Variants in CFAP47 observed in about 807,000 individuals in gnomAD.
CFAP47 encodes the protein cilia- and flagella-associated protein 47.
CFAP47 carries 29 observed loss-of-function variants against 148.1 expected under a neutral mutation model. The ratio of observed to expected loss-of-function variants is 0.20; its 90% CI spans 0.15 to 0.27. The LOEUF (loss-of-function observed/expected upper bound fraction) is 0.27, where lower values mean the gene tolerates loss of function less well. CFAP47 is among the 10% of genes least tolerant of loss of function. The probability of loss-of-function intolerance (pLI) is 1.00; values close to 1 mark genes in which losing one functional copy is unlikely to be tolerated. For synonymous variants in CFAP47, 664 were observed against 577.3 expected, an observed-to-expected ratio of 1.15 and a Z score of -2.15; for missense variants, 1,872 against 1,697.5, an observed-to-expected ratio of 1.10 and a Z score of -1.81.
At chrX:35,984,080 C>G (rs72628187) in intron 15 of CFAP47, among the ~76,000 whole-genome samples, 2 of 111,199 alleles carry the variant, frequency 1.8e-5, no homozygotes, top group East Asian at 5.7e-4. Context: ...GGCTGTAAAT[C>G]TTTTTGGTTC....
At chrX:36,053,370 A>G (rs948698477) in intron 26 of CFAP47, among the ~76,000 whole-genome samples, 3 of 111,731 alleles carry the variant, frequency 2.7e-5, no homozygotes, top group Non-Finnish European at 3.8e-5. Flanking sequence ...AGGCAATGGG[A>G]AATCTTAGTA....
chrX:36,135,301 T>A (rs1939024824), intron 33 of CFAP47, among the ~76,000 whole-genome samples: 2 of 111,208 alleles, frequency 1.8e-5, no homozygotes, highest in African/African-American at 3.3e-5. Flanking sequence ...AAAACTTTTT[T>A]AAAAAAAGAA....
intron 45 of CFAP47, among the ~76,000 whole-genome samples, chrX:36,205,913 T>G (rs912500591): frequency 1.2e-4 from 13 of 111,822 alleles, no homozygotes; most frequent in African/African-American, 3.9e-4. Flanking sequence ...CATTCTAGTA[T>G]GGATTTGTGT....
chrX:35,924,419 GCA>G (rs748954273), intron 1 of CFAP47, among the ~76,000 whole-genome samples: 1 of 100,119 alleles, frequency 1.0e-5, no homozygotes, highest in African/African-American at 4.3e-5. Flanking sequence ...ATGTGTATAT[GCA>G]CACATATGTG....
chrX:35,949,368 A>G (rs1936131485), intron 4 of CFAP47, among the ~76,000 whole-genome samples: 1 of 111,019 alleles, frequency 9.0e-6, no homozygotes, highest in Admixed American at 9.7e-5. Flanking sequence ...TGCAAAACAG[A>G]CCAGGGAGTA....
intron 62 of CFAP47, among the ~76,000 whole-genome samples, chrX:36,369,197 C>G (rs1406265699): frequency 9.0e-6 from 1 of 110,648 alleles, no homozygotes; most frequent in Non-Finnish European, 1.9e-5. Flanking sequence ...TGGATAAATG[C>G]AGTTGTCAGA....
chrX:35,973,197 A>G (rs181340290), intron 13 of CFAP47, among the ~76,000 whole-genome samples: 1 of 111,183 alleles, frequency 9.0e-6, no homozygotes, highest in East Asian at 2.9e-4. Flanking sequence ...TTATTTATTT[A>G]TTTATTTATT....
Position 36,267,739 on chromosome X carries a change from A to G in CFAP47, c.7445-12748A>G, listed in dbSNP as rs1274056836. Among the ~76,000 whole-genome samples the G allele has an allele frequency of 2.7e-5, 3 of 111,570 alleles. No homozygotes were observed. The East Asian group carries it at 8.6e-4, about 32-fold the overall frequency. ...ATGATCCACCCGCCTTGGCCTCCCA[A>G]AGTGCTGGGATTACAGGCGTGAGCC... On this transcript the variant is annotated intron_variant, in intron 49 of 63. Coordinates refer to ENST00000378653, the MANE Select transcript of CFAP47 (RefSeq NM_001304548.2).
intron 61 of CFAP47, among the ~76,000 whole-genome samples, chrX:36,362,851 A>G (rs946034117): frequency 2.9e-4 from 32 of 112,022 alleles, no homozygotes; most frequent in African/African-American, 1.0e-3. Context: ...AGAAGAAAGT[A>G]TACCATACAT....
chrX:35,961,515 A>G (rs986562638), intron 8 of CFAP47, among the ~76,000 whole-genome samples: 1 of 110,933 alleles, frequency 9.0e-6, no homozygotes, highest in Non-Finnish European at 1.9e-5. Context: ...GGCTATTCAT[A>G]TTATTCATTT....
At chrX:36,231,642 T>A (rs1392312245) in intron 46 of CFAP47, among the ~76,000 whole-genome samples, 7 of 110,694 alleles carry the variant, frequency 6.3e-5, no homozygotes, top group Non-Finnish European at 1.3e-4. Context: ...AGAACTTCCA[T>A]CACTATGTTG....
At chrX:36,130,469 G>C (rs377336388) in intron 33 of CFAP47, among the ~76,000 whole-genome samples, 96 of 111,193 alleles carry the variant, frequency 8.6e-4, no homozygotes, top group African/African-American at 2.9e-3. Flanking sequence ...CTTGTACACT[G>C]TTGGGGGGAA....
chrX:35,999,151 G>A (rs185113626), intron 19 of CFAP47, among the ~76,000 whole-genome samples: 1 of 111,921 alleles, frequency 8.9e-6, no homozygotes, highest in East Asian at 2.8e-4. Context: ...GATAACAAGA[G>A]TGATTATTTT....
At chrX:36,076,394 A>G (rs1220929690) in intron 29 of CFAP47, among the ~76,000 whole-genome samples, 1 of 94,461 alleles carries the variant, frequency 1.1e-5, no homozygotes, top group Non-Finnish European at 2.1e-5. Flanking sequence ...AGCCTCACAA[A>G]CATCTCTTTT....
intron 36 of CFAP47, among the ~76,000 whole-genome samples, chrX:36,146,307 T>C (rs1446936468): frequency 9.0e-6 from 1 of 111,597 alleles, no homozygotes; most frequent in Non-Finnish European, 1.9e-5. Context: ...TATCACTTAA[T>C]TGTTATTGAT....
intron 49 of CFAP47, among the ~76,000 whole-genome samples, chrX:36,259,814 G>T (rs1254582770): frequency 9.0e-6 from 1 of 111,211 alleles, no homozygotes; most frequent in Non-Finnish European, 1.9e-5. Context: ...TGTCACCAAG[G>T]TATTTAGCAT....
chrX:35,924,235 A>G (rs1168933788), intron 1 of CFAP47, among the ~76,000 whole-genome samples: 1 of 90,561 alleles, frequency 1.1e-5, no homozygotes, highest in East Asian at 3.5e-4. Flanking sequence ...GTATATATGG[A>G]CATGTATGTG....
intron 46 of CFAP47, among the ~76,000 whole-genome samples, chrX:36,234,018 A>AC (rs1408306746): frequency 9.1e-6 from 1 of 110,298 alleles, no homozygotes; most frequent in Non-Finnish European, 1.9e-5. Flanking sequence ...TTTGTGGGTA[A>AC]CCGACCTTTC....
At chrX:36,294,617 C>CA (rs1556006117) in intron 51 of CFAP47, among the ~76,000 whole-genome samples, 1 of 110,349 alleles carries the variant, frequency 9.1e-6, no homozygotes, top group African/African-American at 3.3e-5. Flanking sequence ...GAGGCTGAGG[C>CA]AGGAGAATGG....
Sources: allele counts gnomAD v4.1 joint callset (sites outside exome capture counted in the v4.1 genomes callset), GRCh38; gene constraint gnomAD v4.1.1; transcripts MANE v1.5; gene names NCBI Gene and HGNC (gene_info 2026-07-23, HGNC 2026-07-21).